MGST1: variants seen among roughly 807,000 people sequenced by gnomAD.
MGST1 encodes glutathione S-transferase 12.
MGST1 carries 5 observed loss-of-function variants against 8.9 expected under a neutral mutation model. The observed-to-expected ratio is 0.56, with a 90% confidence interval of 0.29 to 1.19. The LOEUF is 1.19. MGST1 is among the 50% of genes most tolerant of loss of function. The pLI, the probability that MGST1 is intolerant of heterozygous loss-of-function variation, is 0.08. For synonymous variants in MGST1, 54 were observed against 67.8 expected, an observed-to-expected ratio of 0.80 and a Z score of 1.00; for missense variants, 182 against 187.4, an observed-to-expected ratio of 0.97 and a Z score of 0.17.
chr12:16,516,558 G>A (rs1941617056), intron 4 of MGST1, among the ~76,000 whole-genome samples: 1 of 152,130 alleles, frequency 6.6e-6, no homozygotes, highest in Non-Finnish European at 1.5e-5. Flanking sequence ...GAAAGTTGGG[G>A]AGATAAGCTG....
intron 2 of MGST1, chr12:16,354,800 GA>G (rs1939637329): frequency 6.6e-6 from 1 of 152,142 alleles, no homozygotes; most frequent in South Asian, 2.1e-4. Context: ...AAAGAAGAAA[GA>G]AAAAGAAGAA....
chr12:16,379,080 A>G (rs369312502), downstream of MGST1, among the ~76,000 whole-genome samples: 29,519 of 151,970 alleles, frequency 0.19, 3,002 homozygotes, highest in East Asian at 0.36. Context: ...ATATACAATC[A>G]TGTCATCTGC....
chr12:16,403,052 G>A (rs1225280662), intron 1 of MGST1, among the ~76,000 whole-genome samples: 1 of 151,402 alleles, frequency 6.6e-6, no homozygotes, highest in Non-Finnish European at 1.5e-5. Context: ...ACTTTGACTT[G>A]ATATAATCAT....
At chr12:16,449,554 C>A (rs578117343) in intron 4 of MGST1, among the ~76,000 whole-genome samples, 1 of 151,816 alleles carries the variant, frequency 6.6e-6, no homozygotes, top group Non-Finnish European at 1.5e-5. Context: ...TACAATTGGA[C>A]GAAGAAAAAT....
chr12:16,567,009 A>T (rs543724123), intron 4 of MGST1, among the ~76,000 whole-genome samples: 2 of 152,336 alleles, frequency 1.3e-5, no homozygotes, highest in Admixed American at 1.3e-4. Context: ...AGCCTGGCCA[A>T]TATGGCAAAA....
chr12:16,493,999 A>G (rs896524518), intron 4 of MGST1, among the ~76,000 whole-genome samples: 8 of 152,110 alleles, frequency 5.3e-5, no homozygotes, highest in Admixed American at 2.0e-4. Context: ...AATCATTCCA[A>G]TTTACTTTAA....
In MGST1 at chr12:16,559,198, AATCT is replaced by A. The variant is rs1332078859; in HGVS notation, n.483-30326_483-30323del. 6.6e-6 allele frequency among the ~76,000 whole-genome samples: 1 copy of A among 152,214 alleles called. No individual in the cohort carries two copies. The highest frequency in any genetic ancestry group is 1.5e-5 in the Non-Finnish European group (1 of 68,024). On this transcript the variant is annotated intron_variant and non_coding_transcript_variant, in intron 4 of 4. Coordinates refer to the MGST1 transcript ENST00000538857. The surrounding 1 kb of genome is among the most constrained non-coding windows in gnomAD (Gnocchi z 4.1). Reference sequence around the variant, plus strand: ...AAGTCAGTGAATTCATTTTCATTAAAATCTATCAAGTGTTCTAATTTTTGAAATG... The same window carrying A: ...AAGTCAGTGAATTCATTTTCATTAAAATCAAGTGTTCTAATTTTTGAAATG...
chr12:16,473,215 G>T (rs1006914159), intron 4 of MGST1, among the ~76,000 whole-genome samples: 1 of 152,092 alleles, frequency 6.6e-6, no homozygotes, highest in African/African-American at 2.4e-5. Context: ...AGGATATTTG[G>T]CAAAGTCTGG....
At chr12:16,526,571 C>T (rs1941688032) in intron 4 of MGST1, among the ~76,000 whole-genome samples, 1 of 151,840 alleles carries the variant, frequency 6.6e-6, no homozygotes, top group African/African-American at 2.4e-5. Flanking sequence ...GGTTTTGATA[C>T]TAAGCATATT....
At chr12:16,462,725 A>G (rs983946895) in intron 4 of MGST1, among the ~76,000 whole-genome samples, 1 of 152,160 alleles carries the variant, frequency 6.6e-6, no homozygotes, top group South Asian at 2.1e-4. Context: ...CAGGGTAAGC[A>G]TCATCTTTTT....
At chr12:16,567,655 A>T (rs1942664485) in intron 4 of MGST1, 1 of 152,232 alleles carries the variant, frequency 6.6e-6, no homozygotes, top group African/African-American at 2.4e-5. Context: ...CCAATATGGT[A>T]GTAGTCTGCT....
At chr12:16,554,295 G>T (rs1317809745) in intron 4 of MGST1, among the ~76,000 whole-genome samples, 1 of 152,116 alleles carries the variant, frequency 6.6e-6, no homozygotes, top group Non-Finnish European at 1.5e-5. Flanking sequence ...AAAAATGTTA[G>T]CCTAGCCATC....
intron 4 of MGST1, among the ~76,000 whole-genome samples, chr12:16,481,107 GAGAC>G (rs1327501108): frequency 2.0e-5 from 3 of 152,000 alleles, no homozygotes; most frequent in Non-Finnish European, 4.4e-5. Flanking sequence ...CTGAAAAAAA[GAGAC>G]AGAAAGAAAG....
chr12:16,376,913 G>C (rs999556504), exon 4 of MGST1: 1 of 151,952 alleles, frequency 6.6e-6, no homozygotes, highest in African/African-American at 2.4e-5. Flanking sequence ...TGTGCAATAG[G>C]TACGTGGATA....
At position 16,560,563 on chromosome 12, in the gene MGST1, T is replaced by TC; in HGVS notation, n.483-28965_483-28964insC. 6.2e-7 allele frequency: 1 copy of TC among 1,601,194 alleles called. No homozygotes were observed. The highest frequency in any genetic ancestry group is 8.5e-7 in the Non-Finnish European group (1 of 1,174,774). On this transcript the variant is annotated intron_variant and non_coding_transcript_variant, in intron 4 of 4. Transcript: ENST00000538857. This position sits in a 1 kb window ranked among gnomAD's most constrained non-coding sequence, Gnocchi z 5.0. ...CCTAGAATAAGAAACATTTTTTTTTTTTTACAAACTCTTACAGAGAAATCT... is the reference window on the plus strand; with the variant it reads ...CCTAGAATAAGAAACATTTTTTTTTTCTTTACAAACTCTTACAGAGAAATCT...
chr12:16,405,842 G>C (rs1165149714), intron 1 of MGST1, among the ~76,000 whole-genome samples: 1 of 152,106 alleles, frequency 6.6e-6, no homozygotes, highest in Non-Finnish European at 1.5e-5. Context: ...CATAGAAAAG[G>C]CTTTTGATAA....
At chr12:16,516,877 G>A (rs1941618434) in intron 4 of MGST1, among the ~76,000 whole-genome samples, 3 of 152,140 alleles carry the variant, frequency 2.0e-5, no homozygotes, top group Admixed American at 1.3e-4. Flanking sequence ...CTAGAGGAAG[G>A]AAGGAAGTCA....
At chr12:16,565,812 C>T (rs979689950) in intron 4 of MGST1, among the ~76,000 whole-genome samples, 1 of 150,884 alleles carries the variant, frequency 6.6e-6, no homozygotes, top group African/African-American at 2.4e-5. Flanking sequence ...AAAAACAGAA[C>T]TACCATATGA....
intron 1 of MGST1, among the ~76,000 whole-genome samples, chr12:16,428,699 G>T (rs952598726): frequency 6.6e-6 from 1 of 151,940 alleles, no homozygotes; most frequent in Non-Finnish European, 1.5e-5. Flanking sequence ...TTGTATAAAA[G>T]TATTTTATTT....
Sources: gnomAD v4.1 joint callset for allele counts (sites outside exome capture counted in the v4.1 genomes callset) on GRCh38, gnomAD v4.1.1 for gene constraint, Gnocchi (gnomAD v3.1) non-coding constraint, MANE v1.5 for transcripts, NCBI Gene and HGNC (gene_info 2026-07-23, HGNC 2026-07-21) for gene names.